The following ABR variants were observed in gnomAD, a reference collection of about 807,000 sequenced individuals.
ABR encodes the protein ABR activator of RhoGEF and GTPase, also known as active breakpoint cluster region-related protein.
Under a neutral mutation model 107.2 loss-of-function variants are expected in ABR, and 35 were observed. The ratio of observed to expected loss-of-function variants is 0.33; its 90% CI spans 0.25 to 0.43. The LOEUF (loss-of-function observed/expected upper bound fraction) is 0.43, where lower values mean the gene tolerates loss of function less well. Ranked by LOEUF, ABR falls within the 20% of genes least tolerant of loss-of-function variation. The pLI is 1.00. For synonymous variants in ABR, 498 were observed against 462.0 expected (o/e 1.08, Z -1.00); for missense variants, 815 against 1,115.2 (o/e 0.73, Z 3.83).
At position 1,179,708 on chromosome 17, in the gene ABR, C is replaced by G. The variant is rs553512508; in HGVS notation, c.20G>C (p.Arg7Pro). MEPLSH[R>P]GLPRLSWIDT... ...GATCCAGGACAGGCGCGGCAGGCCC[C>G]GGTGGCTGAGCGGCTCCATCCCGCG... Residue 7 changes from arginine (R) to proline (P), a missense_variant, in exon 1 of 23, where the codon CGG becomes CCG. Arg to Pro is a moderately radical substitution (Grantham distance 103, BLOSUM62 -2). Coordinates refer to ENST00000302538, the MANE Select transcript of ABR (RefSeq NM_021962.5). The surrounding 1 kb of genome is among the most constrained non-coding windows in gnomAD (Gnocchi z 4.9). 9.6e-6 allele frequency: 14 copies of G among 1,465,406 alleles called. No homozygotes were observed. The highest frequency in any genetic ancestry group is 2.4e-5 in the South Asian group (2 of 83,436). 90.8% of individuals were successfully genotyped at this position (1,465,406 alleles called of 1,614,324 possible). A position where few individuals can be genotyped will look rare whatever the true frequency, so the allele number is the denominator to read the frequency against.
intron 16 of ABR, among the ~76,000 whole-genome samples, chr17:1,033,214 A>G (rs1567617643): frequency 2.6e-5 from 4 of 152,222 alleles, no homozygotes; most frequent in Non-Finnish European, 5.9e-5. Context: ...CGGCGTCACC[A>G]GCCAGGCAGG....
intron 1 of ABR, among the ~76,000 whole-genome samples, chr17:1,193,527 C>T (rs1376579817): frequency 6.6e-6 from 1 of 152,108 alleles, no homozygotes; most frequent in African/African-American, 2.4e-5. Context: ...CTGGCTCGGT[C>T]CAGAGCAATT....
At position 1,067,539 on chromosome 17, in the gene ABR, G is replaced by A. The variant is rs142050108; in HGVS notation, c.1017-297C>T. Among the ~76,000 whole-genome samples the A allele has an allele frequency of 5.3e-3, 807 of 152,302 alleles. 12 individuals carry two copies. Among genetic ancestry groups the A allele is most frequent in the African/African-American group, 0.018 (769 of 41,570 alleles). ...AAACCACTTAGGTATCAAGAAGAGC[G>A]AAGCCTTCCTGGCTGGGCTCACATT... On this transcript the variant is annotated intron_variant, in intron 9 of 22. Coordinates refer to ENST00000302538, the MANE Select transcript of ABR (RefSeq NM_021962.5).
At chr17:1,032,863 A>C (rs905299372) in intron 16 of ABR, among the ~76,000 whole-genome samples, 2 of 152,234 alleles carry the variant, frequency 1.3e-5, no homozygotes, top group Admixed American at 6.5e-5. Flanking sequence ...TGCAGACCCC[A>C]GCACGGCACA....
Position 1,058,863 on chromosome 17 carries a change from G to C in ABR, c.1187C>G (p.Ala396Gly). The change falls in exon 11 of 23, where the codon GCC (alanine) becomes GGC (glycine). Residue 396 changes from alanine (A) to glycine (G), a missense_variant. Around this residue, in one of 5 missense-constraint regions of ABR, gnomAD observed 385 missense variants for 596.9 expected, o/e 0.64. Coordinates refer to ENST00000302538, the MANE Select transcript of ABR (RefSeq NM_021962.5). ...GATGGCCCGGCTCTGGCCTTTGTTG[G>C]CTTTCTGCAGGAGATGGGGACACAG... ...ALKSEIQKEK[A>G]NKGQSRAIER... is the part of the protein sequence containing the mutation. The C allele has an allele frequency of 6.2e-7, 1 of 1,614,088 alleles. No homozygotes were observed. Among genetic ancestry groups the C allele is most frequent in the Non-Finnish European group, 8.5e-7 (1 of 1,179,988 alleles).
chr17:1,112,873 C>T (rs73293620), intron 2 of ABR, among the ~76,000 whole-genome samples: 23,929 of 150,198 alleles, frequency 0.16, 2,699 homozygotes, highest in African/African-American at 0.3. Context: ...CTTCCCTGAC[C>T]CAATCAGCAA....
Position 1,094,255 on chromosome 17 carries a change from G to A in ABR, c.346-2405C>T, listed in dbSNP as rs983873556. On this transcript the variant is annotated intron_variant, in intron 3 of 22. Coordinates refer to ENST00000302538, the MANE Select transcript of ABR (RefSeq NM_021962.5). Reference sequence around the variant, plus strand: ...AGCTCTGCTGTGCGCACATCACTCAGCATCCCTGGGCTTCGTGTCACCAGC... The same window carrying A: ...AGCTCTGCTGTGCGCACATCACTCAACATCCCTGGGCTTCGTGTCACCAGC... Among the ~76,000 whole-genome samples, 59 of 152,300 alleles carry A rather than the reference G, an allele frequency of 3.9e-4. 1 individual carries two copies. In the Middle Eastern group the frequency reaches 0.01, roughly 26 times the overall value.
intron 1 of ABR, among the ~76,000 whole-genome samples, chr17:1,161,353 C>T (rs1726836906): frequency 6.6e-6 from 1 of 151,828 alleles, no homozygotes; most frequent in Non-Finnish European, 1.5e-5. Flanking sequence ...ATGATCCTCC[C>T]ACCTCAGCCT....
intron 16 of ABR, among the ~76,000 whole-genome samples, chr17:1,038,498 T>C (rs1266291270): frequency 1.3e-5 from 2 of 152,224 alleles, no homozygotes; most frequent in African/African-American, 4.8e-5. Context: ...TGGGTCATCT[T>C]GCGTCTCCAG....
intron 2 of ABR, among the ~76,000 whole-genome samples, chr17:1,103,918 G>C (rs11652278): frequency 0.049 from 7,429 of 152,208 alleles, 225 homozygotes; most frequent in Middle Eastern, 0.11. Flanking sequence ...TCCCAGTTTA[G>C]AGCCATGAGG....
intron 16 of ABR, among the ~76,000 whole-genome samples, chr17:1,015,463 T>C (rs1271307948): frequency 6.6e-6 from 1 of 151,768 alleles, no homozygotes; most frequent in East Asian, 1.9e-4. Context: ...ATACATTTTA[T>C]TTATTTTTTT....
In ABR at chr17:1,092,292, G is replaced by A. The variant is rs2037084328; in HGVS notation, c.346-442C>T. 6.6e-6 allele frequency among the ~76,000 whole-genome samples: 1 copy of A among 152,172 alleles called. No individual in the cohort carries two copies. Among genetic ancestry groups the A allele is most frequent in the Non-Finnish European group, 1.5e-5 (1 of 68,032 alleles). On this transcript the variant is annotated intron_variant, in intron 3 of 22. Transcript: ENST00000302538. The surrounding 1 kb of genome is among the most constrained non-coding windows in gnomAD (Gnocchi z 4.6). ...AGAATGTGGTTCTAGGACTCAGAAGGTAGGGACCCGAAGTTACTCAAGACC... is the reference window on the plus strand; with the variant it reads ...AGAATGTGGTTCTAGGACTCAGAAGATAGGGACCCGAAGTTACTCAAGACC...
intron 2 of ABR, among the ~76,000 whole-genome samples, chr17:1,112,234 T>G (rs2038715543): frequency 6.6e-6 from 1 of 152,200 alleles, no homozygotes; most frequent in Admixed American, 6.5e-5. Flanking sequence ...GCCCTTGCCG[T>G]TCTCAGGCTC....
At chr17:1,066,990 G>C in intron 10 of ABR, 87 bp downstream of exon 10, 1 of 1,436,912 alleles carries the variant, frequency 7.0e-7, no homozygotes, top group East Asian at 2.4e-5. Context: ...CCCTCTCAAA[G>C]TCTCAAACCT....
At position 1,067,698 on chromosome 17, in the gene ABR, G is replaced by A. The variant is rs115653275; in HGVS notation, c.1017-456C>T. Among the ~76,000 whole-genome samples the A allele has an allele frequency of 2.4e-3, 361 of 152,296 alleles. 2 individuals are homozygous for A. The highest frequency in any genetic ancestry group is 8.2e-3 in the African/African-American group (341 of 41,554). On this transcript the variant is annotated intron_variant, in intron 9 of 22. Coordinates refer to ENST00000302538, the MANE Select transcript of ABR (RefSeq NM_021962.5). ...AAGAGTGGTCACATGGGTCAACACTGGGTGGAGGATTACAAAGCCACATCC... is the reference window on the plus strand; with the variant it reads ...AAGAGTGGTCACATGGGTCAACACTAGGTGGAGGATTACAAAGCCACATCC...
intron 1 of ABR, among the ~76,000 whole-genome samples, chr17:1,130,679 G>A (rs566973437): frequency 6.6e-6 from 1 of 152,306 alleles, no homozygotes; most frequent in Non-Finnish European, 1.5e-5. Context: ...ATTCTTTGTA[G>A]ATGTGAATAA....
At chr17:1,204,697 A>G (rs933689500) in intron 1 of ABR, among the ~76,000 whole-genome samples, 2 of 152,114 alleles carry the variant, frequency 1.3e-5, no homozygotes, top group African/African-American at 4.8e-5. Context: ...TCTATATCAT[A>G]TATCATATCT....
At chr17:1,197,225 C>T (rs2042587570) in intron 1 of ABR, among the ~76,000 whole-genome samples, 1 of 151,700 alleles carries the variant, frequency 6.6e-6, no homozygotes, top group Admixed American at 6.5e-5. Flanking sequence ...TATTTCAGAG[C>T]CTCTGGGAAA....
intron 16 of ABR, among the ~76,000 whole-genome samples, chr17:1,033,334 C>A (rs1414852704): frequency 6.6e-6 from 1 of 152,196 alleles, no homozygotes; most frequent in African/African-American, 2.4e-5. Flanking sequence ...AGGGACCAGG[C>A]ATCATGGATT....
Sources: gnomAD v4.1 joint callset for allele counts (sites outside exome capture counted in the v4.1 genomes callset) on GRCh38, gnomAD v4.1.1 for gene constraint, gnomAD v4.1.1 regional missense constraint, Gnocchi (gnomAD v3.1) non-coding constraint, MANE v1.5 for transcripts, NCBI Gene and HGNC (gene_info 2026-07-23, HGNC 2026-07-21) for gene names.